PPARGC1A: variants seen among roughly 807,000 people sequenced by gnomAD.
PPARGC1A encodes the protein peroxisome proliferator-activated receptor gamma coactivator 1-alpha.
In PPARGC1A, 25 loss-of-function variants were observed where a neutral mutation model predicts 88.7. The ratio of observed to expected loss-of-function variants is 0.28; its 90% confidence interval spans 0.21 to 0.39. PPARGC1A has a LOEUF of 0.39. Ranked by LOEUF, PPARGC1A falls within the 10% of genes least tolerant of loss-of-function variation. The probability of loss-of-function intolerance (pLI) is 1.00; values close to 1 mark genes in which losing one functional copy is unlikely to be tolerated. For synonymous variants in PPARGC1A, 363 were observed against 355.6 expected, an observed-to-expected ratio of 1.02 and a Z score of -0.24; for missense variants, 880 against 968.7, an observed-to-expected ratio of 0.91 and a Z score of 1.22.
chr4:23,815,119 T>C (rs1175705631), intron 7 of PPARGC1A, among the ~76,000 whole-genome samples: 2 of 129,682 alleles, frequency 1.5e-5, no homozygotes, highest in African/African-American at 5.9e-5. Flanking sequence ...ATTAAGCAAC[T>C]TAGAAGAAAA....
At chr4:24,436,739 CCGGG>C in the PPARGC1A span, among the ~76,000 whole-genome samples, 2 of 140,154 alleles carry the variant, frequency 1.4e-5, no homozygotes, top group East Asian at 4.2e-4. Context: ...ACCCCAGAGC[CCGGG>C]TCACAGAGCT....
At chr4:24,082,797 GA>G in the PPARGC1A span, among the ~76,000 whole-genome samples, 2 of 152,004 alleles carry the variant, frequency 1.3e-5, no homozygotes, top group African/African-American at 4.8e-5. Flanking sequence ...TTGGAGGAGG[GA>G]AAAACCCACT....
the PPARGC1A span, among the ~76,000 whole-genome samples, chr4:24,153,950 G>T: frequency 2.6e-5 from 4 of 152,060 alleles, no homozygotes; most frequent in Non-Finnish European, 5.9e-5. Flanking sequence ...GAAAGGGAGG[G>T]AAAGGAGAAG....
the PPARGC1A span, among the ~76,000 whole-genome samples, chr4:23,912,342 G>A: frequency 9.2e-5 from 14 of 152,162 alleles, no homozygotes; most frequent in Admixed American, 6.5e-4. Context: ...GTTTCTTCAC[G>A]TATAAAGTAG....
the PPARGC1A span, among the ~76,000 whole-genome samples, chr4:24,103,262 T>C: frequency 6.6e-6 from 1 of 152,042 alleles, no homozygotes; most frequent in African/African-American, 2.4e-5. Flanking sequence ...AGCCACACTC[T>C]CAACTGCCTT....
chr4:24,238,106 T>C, the PPARGC1A span, among the ~76,000 whole-genome samples: 1 of 152,190 alleles, frequency 6.6e-6, no homozygotes, highest in African/African-American at 2.4e-5. Flanking sequence ...TAGAGCCTAC[T>C]GTGTGTAGTG....
chr4:24,373,344 T>C, the PPARGC1A span, among the ~76,000 whole-genome samples: 2 of 152,170 alleles, frequency 1.3e-5, no homozygotes, highest in African/African-American at 4.8e-5. Flanking sequence ...CTCAGACCAC[T>C]GAGATTAAGC....
chr4:24,438,765 A>G, the PPARGC1A span, among the ~76,000 whole-genome samples: 5 of 152,068 alleles, frequency 3.3e-5, no homozygotes, highest in African/African-American at 1.2e-4. Flanking sequence ...TCTCATTGCT[A>G]TCATGGTGGG....
In PPARGC1A at chr4:23,857,391, C is replaced by T. The variant is rs549903144; in HGVS notation, c.235-25640G>A. ...TGTGTGTGACACACACACACACGCA[C>T]GTACTAAATAGATTTTATGTACTAA... On this transcript the variant is annotated intron_variant, in intron 2 of 12. Transcript: ENST00000264867. Among the ~76,000 whole-genome samples the T allele has an allele frequency of 1.1e-4, 16 of 143,980 alleles. 1 individual carries two copies. Among genetic ancestry groups the T allele is most frequent in the South Asian group, 6.7e-4 (3 of 4,502 alleles). The allele number at this position is 143,980 out of a possible 152,430, so 94.5% of individuals were successfully genotyped here.
At chr4:24,092,856 CATT>C in the PPARGC1A span, among the ~76,000 whole-genome samples, 1 of 152,182 alleles carries the variant, frequency 6.6e-6, no homozygotes, top group African/African-American at 2.4e-5. Context: ...GTCACTTCTC[CATT>C]CTGGTTGCCA....
intron 2 of PPARGC1A, among the ~76,000 whole-genome samples, chr4:23,842,932 T>C (rs1354837933): frequency 6.6e-6 from 1 of 152,136 alleles, no homozygotes; most frequent in African/African-American, 2.4e-5. Context: ...TAATAGTTAT[T>C]ATTAACACAT....
chr4:23,834,427 T>G (rs1725643699), intron 2 of PPARGC1A, among the ~76,000 whole-genome samples: 1 of 151,760 alleles, frequency 6.6e-6, no homozygotes, highest in South Asian at 2.1e-4. Context: ...AGGCTGAGGT[T>G]GCAGTGAGCC....
At chr4:24,096,739 T>C in the PPARGC1A span, among the ~76,000 whole-genome samples, 5 of 152,132 alleles carry the variant, frequency 3.3e-5, no homozygotes, top group Admixed American at 2.6e-4. Flanking sequence ...CAAAAAGTAA[T>C]GGAAAACCTT....
At chr4:24,114,942 A>C in the PPARGC1A span, among the ~76,000 whole-genome samples, 1 of 152,162 alleles carries the variant, frequency 6.6e-6, no homozygotes, top group Non-Finnish European at 1.5e-5. Flanking sequence ...AACTTAATTT[A>C]TTTCATACTT....
the PPARGC1A span, among the ~76,000 whole-genome samples, chr4:24,151,143 T>C: frequency 1.5e-3 from 232 of 152,326 alleles, 1 homozygote; most frequent in African/African-American, 5.2e-3. Flanking sequence ...TTTGTTGACA[T>C]TGCTCCCCTT....
chr4:24,118,755 C>T, the PPARGC1A span, among the ~76,000 whole-genome samples: 1 of 152,102 alleles, frequency 6.6e-6, no homozygotes, highest in Non-Finnish European at 1.5e-5. Flanking sequence ...ATAAGCTTAA[C>T]ATATACACAT....
At chr4:23,839,807 A>G (rs73243615) in intron 2 of PPARGC1A, among the ~76,000 whole-genome samples, 1 of 40,222 alleles carries the variant, frequency 2.5e-5, no homozygotes, top group Non-Finnish European at 4.5e-5. Context: ...CAGAAAAAAA[A>G]AGAAGTTTGT....
the PPARGC1A span, among the ~76,000 whole-genome samples, chr4:24,199,036 T>G: frequency 0.86 from 130,783 of 152,156 alleles, 56,430 homozygotes; most frequent in Middle Eastern, 0.94. Context: ...ACCCTACTCT[T>G]CCTTCTTTCC....
chr4:24,125,594 ACTT>A, the PPARGC1A span, among the ~76,000 whole-genome samples: 18 of 152,188 alleles, frequency 1.2e-4, no homozygotes, highest in African/African-American at 4.1e-4. Flanking sequence ...CTCCTTCCCT[ACTT>A]CTTATGCCCT....
Sources: gnomAD v4.1 joint callset for allele counts (sites outside exome capture counted in the v4.1 genomes callset) on GRCh38, gnomAD v4.1.1 for gene constraint, MANE v1.5 for transcripts, NCBI Gene and HGNC (gene_info 2026-07-23, HGNC 2026-07-21) for gene names.